Variants in HEPHL1 observed in about 807,000 individuals in gnomAD.
HEPHL1 encodes the protein hephaestin like 1.
A neutral mutation model predicts 122.0 loss-of-function variants in HEPHL1; 123 were observed. That is an observed-to-expected ratio of 1.01 (90% CI 0.87 to 1.17). The LOEUF (loss-of-function observed/expected upper bound fraction) is 1.17, where lower values mean the gene tolerates loss of function less well. HEPHL1 is among the 50% of genes most tolerant of loss of function. The probability of loss-of-function intolerance (pLI) is 0.00; values close to 1 mark genes in which losing one functional copy is unlikely to be tolerated. For missense variants in HEPHL1, 1,452 were observed against 1,430.5 expected (o/e 1.01, Z -0.24); for synonymous variants, 527 against 508.9 (o/e 1.04, Z -0.48).
intron 13 of HEPHL1, among the ~76,000 whole-genome samples, chr11:94,095,323 C>A (rs1007716767): frequency 1.3e-5 from 2 of 152,158 alleles, no homozygotes; most frequent in Non-Finnish European, 2.9e-5. Flanking sequence ...GGTATTATTT[C>A]TGAGGGCTCT....
Position 94,060,178 on chromosome 11 carries a change from C to T in HEPHL1, c.416-3330C>T, listed in dbSNP as rs759170794. Among the ~76,000 whole-genome samples the T allele has an allele frequency of 4.5e-5, 6 of 133,920 alleles. No homozygotes were observed. In the East Asian group the frequency reaches 6.7e-4, roughly 15 times the overall value. The allele number at this position is 133,920 out of a possible 152,430, so 87.9% of individuals were successfully genotyped here. ...CGCACTGGGGTAGATCTTGAAGATACGATCATGAGCAAAAAGAAGCCTGGT... is the reference window on the plus strand; with the variant it reads ...CGCACTGGGGTAGATCTTGAAGATATGATCATGAGCAAAAAGAAGCCTGGT... On this transcript the variant is annotated intron_variant, in intron 2 of 19. Transcript: ENST00000315765.
In HEPHL1 at chr11:94,087,913, A is replaced by G. The variant is rs562192418; in HGVS notation, c.2081-842A>G. On this transcript the variant is annotated intron_variant, in intron 11 of 19. Coordinates refer to ENST00000315765, the MANE Select transcript of HEPHL1 (RefSeq NM_001098672.2). ...GATAGAGGATACCTCTGTACATTGT[A>G]GAAGGTTAATGAAAGGTACACTCAT... Among the ~76,000 whole-genome samples the G allele has an allele frequency of 4.6e-5, 7 of 152,370 alleles. No individual in the cohort carries two copies. The East Asian group carries it at 1.3e-3, about 29-fold the overall frequency.
At chr11:94,091,219 C>CAA (rs1946261919) in intron 12 of HEPHL1, among the ~76,000 whole-genome samples, 1 of 152,208 alleles carries the variant, frequency 6.6e-6, no homozygotes, top group East Asian at 1.9e-4. Context: ...TTTTGCTCAG[C>CAA]ATCTCTTGCA....
chr11:94,094,691 G>C (rs1371237597), intron 13 of HEPHL1, among the ~76,000 whole-genome samples: 12 of 152,222 alleles, frequency 7.9e-5, no homozygotes, highest in East Asian at 1.9e-4. Flanking sequence ...GATCGCCATT[G>C]TAACTGGTAT....
intron 13 of HEPHL1, among the ~76,000 whole-genome samples, chr11:94,099,855 A>G: frequency 6.6e-6 from 1 of 152,146 alleles, no homozygotes; most frequent in Non-Finnish European, 1.5e-5. Context: ...TGCTAAGACC[A>G]TTGGAAAAGC....
At chr11:94,036,241 G>A (rs1945721712) in intron 1 of HEPHL1, among the ~76,000 whole-genome samples, 1 of 152,152 alleles carries the variant, frequency 6.6e-6, no homozygotes, top group Non-Finnish European at 1.5e-5. Flanking sequence ...GACAGAATAG[G>A]AATTCAAATG....
intron 5 of HEPHL1, among the ~76,000 whole-genome samples, chr11:94,069,266 A>T (rs1259530901): frequency 2.6e-5 from 4 of 152,182 alleles, no homozygotes; most frequent in Admixed American, 6.6e-5. Context: ...TTGTAAAAAA[A>T]TTAGAAAATA....
At chr11:94,073,463 G>C in intron 8 of HEPHL1, 24 bp downstream of exon 8, 2 of 1,550,882 alleles carry the variant, frequency 1.3e-6, no homozygotes, top group Non-Finnish European at 1.7e-6. Flanking sequence ...TGGGCTTAGG[G>C]AGGAAACAGG....
intron 19 of HEPHL1, 40 bp downstream of exon 19, chr11:94,111,645 C>T (rs2134457200): frequency 4.4e-6 from 7 of 1,608,154 alleles, no homozygotes; most frequent in Non-Finnish European, 6.0e-6. Flanking sequence ...GTCAACATTT[C>T]ACCCCTCAAA....
intron 2 of HEPHL1, among the ~76,000 whole-genome samples, chr11:94,058,775 A>G (rs1945961383): frequency 6.6e-6 from 1 of 152,046 alleles, no homozygotes; most frequent in African/African-American, 2.4e-5. Flanking sequence ...TATGTTGCCT[A>G]GACTAGACTC....
intron 2 of HEPHL1, chr11:94,055,919 A>C: frequency 1.7e-6 from 2 of 1,186,726 alleles, no homozygotes; most frequent in South Asian, 2.6e-5. Context: ...TGCCTCCTGT[A>C]ACAGCTAAGG....
chr11:94,096,521 T>C (rs752596160), intron 13 of HEPHL1, among the ~76,000 whole-genome samples: 11 of 152,246 alleles, frequency 7.2e-5, no homozygotes, highest in Non-Finnish European at 1.5e-4. Context: ...ATCAGGATGA[T>C]GCTGGCCTCA....
chr11:94,105,581 C>T (rs1323180343), intron 16 of HEPHL1, among the ~76,000 whole-genome samples: 2 of 152,166 alleles, frequency 1.3e-5, no homozygotes, highest in African/African-American at 4.8e-5. Flanking sequence ...AAACTATTCT[C>T]AACAAGTGAA....
intron 19 of HEPHL1, 21 bp downstream of exon 19, chr11:94,111,626 T>G: frequency 6.2e-7 from 1 of 1,608,240 alleles, no homozygotes. Context: ...CCTCTCCCCA[T>G]GTAAATGAGT....
intron 1 of HEPHL1, among the ~76,000 whole-genome samples, chr11:94,036,259 G>C (rs990903809): frequency 6.6e-6 from 1 of 152,188 alleles, no homozygotes; most frequent in African/African-American, 2.4e-5. Context: ...ATGAGGTACA[G>C]TTAAAGGCTG....
intron 1 of HEPHL1, among the ~76,000 whole-genome samples, chr11:94,030,792 G>A (rs1178774716): frequency 6.6e-6 from 1 of 152,214 alleles, no homozygotes; most frequent in Non-Finnish European, 1.5e-5. Flanking sequence ...GTAAGTCTTT[G>A]CCTTATAGAG....
chr11:94,078,858 A>G (rs1397603865), intron 9 of HEPHL1, among the ~76,000 whole-genome samples: 1 of 152,120 alleles, frequency 6.6e-6, no homozygotes, highest in Non-Finnish European at 1.5e-5. Context: ...ATCCAAAAAC[A>G]TCCTTTCAGA....
intron 9 of HEPHL1, among the ~76,000 whole-genome samples, chr11:94,080,657 A>C (rs1946163462): frequency 6.6e-6 from 1 of 152,276 alleles, no homozygotes; most frequent in Non-Finnish European, 1.5e-5. Context: ...TCTCAAAAGA[A>C]GACATCTATG....
chr11:94,027,634 C>T (rs936973164), intron 1 of HEPHL1, among the ~76,000 whole-genome samples: 2 of 152,224 alleles, frequency 1.3e-5, no homozygotes, highest in African/African-American at 4.8e-5. Flanking sequence ...TGCTTTACAG[C>T]AGAGGAAACT....
Sources: gnomAD v4.1 joint callset for allele counts (sites outside exome capture counted in the v4.1 genomes callset) on GRCh38, gnomAD v4.1.1 for gene constraint, MANE v1.5 for transcripts, NCBI Gene and HGNC (gene_info 2026-07-23, HGNC 2026-07-21) for gene names.